The following CADM2 variants were observed in gnomAD, a reference collection of about 807,000 sequenced individuals.
The protein encoded by CADM2 is cell adhesion molecule 2, also known as immunoglobulin superfamily member 4D.
A neutral mutation model predicts 49.8 loss-of-function variants in CADM2; 12 were observed. That is an observed-to-expected ratio of 0.24 (90% CI 0.15 to 0.39). CADM2 has a LOEUF of 0.39. Ranked by LOEUF, CADM2 falls within the 10% of genes least tolerant of loss-of-function variation. The pLI, the probability that CADM2 is intolerant of heterozygous loss-of-function variation, is 1.00. For synonymous variants in CADM2, 214 were observed against 175.4 expected, an observed-to-expected ratio of 1.22 and a Z score of -1.74; for missense variants, 378 against 492.3, an observed-to-expected ratio of 0.77 and a Z score of 2.20.
Position 85,109,157 on chromosome 3 carries a change from A to G in CADM2, c.61+149489A>G, listed in dbSNP as rs539902246. ...AGTGACTATAATATAGTTACTTAAA[A>G]AAACTTTTCATGGTTGTATGCAAAC... On this transcript the variant is annotated intron_variant, in intron 1 of 9. Transcript: ENST00000383699. Among the ~76,000 whole-genome samples the G allele has an allele frequency of 3.3e-5, 5 of 152,140 alleles. No homozygotes were observed. The South Asian group carries it at 8.3e-4, about 25-fold the overall frequency.
At chr3:85,258,309 CCAAT>C (rs1251955091) in intron 1 of CADM2, among the ~76,000 whole-genome samples, 1 of 151,920 alleles carries the variant, frequency 6.6e-6, no homozygotes, top group Non-Finnish European at 1.5e-5. Context: ...TAATTAATGC[CCAAT>C]CAATTTTCAT....
intron 1 of CADM2, among the ~76,000 whole-genome samples, chr3:85,081,661 A>C (rs1366902482): frequency 6.6e-6 from 1 of 152,140 alleles, no homozygotes; most frequent in East Asian, 1.9e-4. Context: ...CACAGGGTGA[A>C]GGACAGCCTG....
At chr3:85,609,228 T>C (rs1241032680) in intron 1 of CADM2, among the ~76,000 whole-genome samples, 1 of 152,134 alleles carries the variant, frequency 6.6e-6, no homozygotes, top group East Asian at 1.9e-4. Flanking sequence ...ATTTGAGTTC[T>C]TGTACTCCGA....
chr3:85,047,364 A>G (rs2035708189), intron 1 of CADM2, among the ~76,000 whole-genome samples: 1 of 152,160 alleles, frequency 6.6e-6, no homozygotes, highest in South Asian at 2.1e-4. Flanking sequence ...ATGCTAATAG[A>G]TTATAAAGGA....
intron 1 of CADM2, among the ~76,000 whole-genome samples, chr3:85,585,671 A>G (rs562970024): frequency 1.3e-5 from 2 of 152,146 alleles, no homozygotes; most frequent in Admixed American, 1.3e-4. Context: ...ACATTTATCA[A>G]AATTTGCTGT....
chr3:85,592,360 T>G (rs1559930766), intron 1 of CADM2, among the ~76,000 whole-genome samples: 1 of 151,888 alleles, frequency 6.6e-6, no homozygotes, highest in African/African-American at 2.4e-5. Context: ...CTAAGAAAAA[T>G]GCAATACAGT....
intron 1 of CADM2, among the ~76,000 whole-genome samples, chr3:85,365,876 T>G (rs962041609): frequency 6.6e-6 from 1 of 152,092 alleles, no homozygotes; most frequent in African/African-American, 2.4e-5. Flanking sequence ...ATTGGGCAAG[T>G]TTTATATTAG....
At chr3:85,406,039 T>C (rs1447942968) in intron 1 of CADM2, among the ~76,000 whole-genome samples, 1 of 152,004 alleles carries the variant, frequency 6.6e-6, no homozygotes, top group African/African-American at 2.4e-5. Flanking sequence ...TTTCAGGCCT[T>C]CATAAGTAAT....
intron 1 of CADM2, among the ~76,000 whole-genome samples, chr3:85,076,562 G>A (rs2036952719): frequency 6.6e-6 from 1 of 152,038 alleles, no homozygotes; most frequent in Non-Finnish European, 1.5e-5. Context: ...GGCCAGGCTG[G>A]TCTCGAACTC....
In CADM2 at chr3:86,017,168, G is replaced by GTGTA. The variant is rs1260899564; in HGVS notation, c.971-48436_971-48435insGTAT. Among the ~76,000 whole-genome samples the GTGTA allele has an allele frequency of 1.6e-3, 227 of 141,540 alleles. 1 individual carries two copies. Among genetic ancestry groups the GTGTA allele is most frequent in the Admixed American group, 5.5e-3 (76 of 13,932 alleles). The allele number at this position is 141,540 out of a possible 152,430, so 92.9% of individuals were successfully genotyped here. On this transcript the variant is annotated intron_variant, in intron 8 of 9. Coordinates refer to ENST00000383699, the MANE Select transcript of CADM2 (RefSeq NM_001167675.2). ...TGTATATATATGTGTGTGTGTGTGT[G>GTGTA]TATATATATATATATATATATATAT...
intron 1 of CADM2, among the ~76,000 whole-genome samples, chr3:85,715,847 A>G (rs575464828): frequency 1.0e-3 from 152 of 152,298 alleles, no homozygotes; most frequent in Non-Finnish European, 7.9e-4. Context: ...ATTATTTTTT[A>G]TAGCTGCATA....
At chr3:85,644,339 C>T (rs2064822681) in intron 1 of CADM2, among the ~76,000 whole-genome samples, 1 of 152,090 alleles carries the variant, frequency 6.6e-6, no homozygotes. Context: ...GCCTTATGAC[C>T]TCATTATATT....
chr3:85,742,489 T>G (rs982067164), intron 2 of CADM2, among the ~76,000 whole-genome samples: 2 of 152,210 alleles, frequency 1.3e-5, no homozygotes, highest in African/African-American at 4.8e-5. Context: ...TAAATTAAGT[T>G]AGATTGGTAT....
intron 1 of CADM2, among the ~76,000 whole-genome samples, chr3:85,478,893 A>G (rs2039091471): frequency 6.6e-6 from 1 of 151,902 alleles, no homozygotes; most frequent in Admixed American, 6.6e-5. Flanking sequence ...AACATTTATC[A>G]GTTACTCCTT....
chr3:85,214,760 G>T (rs1041926168), intron 1 of CADM2, among the ~76,000 whole-genome samples: 1 of 151,882 alleles, frequency 6.6e-6, no homozygotes, highest in African/African-American at 2.4e-5. Flanking sequence ...GGCAAGTACT[G>T]CCTGGCTACC....
chr3:85,149,653 C>T (rs974250905), intron 1 of CADM2, among the ~76,000 whole-genome samples: 3 of 152,164 alleles, frequency 2.0e-5, no homozygotes, highest in East Asian at 1.9e-4. Context: ...AGGAGAAAGG[C>T]GTGGTGGAGC....
At position 85,121,929 on chromosome 3, in the gene CADM2, A is replaced by G. The variant is rs182913316; in HGVS notation, c.61+162261A>G. ...TGACATTTTCATTTATCTCCAATTT[A>G]TCTTCGCTATCTTATCTCATTCACA... is the stretch of plus-strand genomic sequence containing the variant. On this transcript the variant is annotated intron_variant, in intron 1 of 9. Transcript: ENST00000383699. Among the ~76,000 whole-genome samples, 17 of 152,030 alleles carry G rather than the reference A, an allele frequency of 1.1e-4. No individual in the cohort carries two copies. The South Asian group carries it at 3.3e-3, about 30-fold the overall frequency.
chr3:85,612,220 G>A (rs760527912), intron 1 of CADM2, among the ~76,000 whole-genome samples: 29 of 151,566 alleles, frequency 1.9e-4, no homozygotes, highest in Non-Finnish European at 3.7e-4. Context: ...TCAATGCAAG[G>A]AATAAGAATT....
intron 1 of CADM2, among the ~76,000 whole-genome samples, chr3:85,440,795 CA>C (rs1202525387): frequency 7.2e-5 from 11 of 152,102 alleles, no homozygotes; most frequent in African/African-American, 2.7e-4. Flanking sequence ...CCAGTCGAGC[CA>C]ATATGGTGAA....
Sources: allele counts gnomAD v4.1 joint callset (sites outside exome capture counted in the v4.1 genomes callset), GRCh38; gene constraint gnomAD v4.1.1; transcripts MANE v1.5; gene names NCBI Gene and HGNC (gene_info 2026-07-23, HGNC 2026-07-21).